Variants in KIF26B observed in about 807,000 individuals in gnomAD.
The protein encoded by KIF26B is kinesin family member 26B.
In KIF26B, 63 loss-of-function variants were observed where a neutral mutation model predicts 151.2. That is an observed-to-expected ratio of 0.42 (90% CI 0.34 to 0.51). KIF26B has a LOEUF of 0.51. KIF26B is among the 20% of genes least tolerant of loss of function. The probability of loss-of-function intolerance (pLI) is 0.07; values close to 1 mark genes in which losing one functional copy is unlikely to be tolerated. For synonymous variants in KIF26B, 1,357 were observed against 1,262.1 expected (o/e 1.08, Z -1.59); for missense variants, 2,813 against 2,913.6 (o/e 0.97, Z 0.79).
At chr1:245,268,779 T>C (rs568131840) in intron 2 of KIF26B, among the ~76,000 whole-genome samples, 2 of 152,270 alleles carry the variant, frequency 1.3e-5, no homozygotes, top group East Asian at 3.9e-4. Context: ...TAATACTGTA[T>C]AATAATTCTA....
rs5782330 is a variant in KIF26B, at chr1:245,253,800, C to CTTTTTTTT, written c.465+97137_465+97144dup. Among the ~76,000 whole-genome samples, 106 of 72,174 alleles carry CTTTTTTTT rather than the reference C, an allele frequency of 1.5e-3. 5 individuals carry two copies. Among genetic ancestry groups the CTTTTTTTT allele is most frequent in the African/African-American group, 6.1e-3 (100 of 16,388 alleles). The allele number at this position is 72,174 out of a possible 152,430, so 47.3% of individuals were successfully genotyped here. On this transcript the variant is annotated intron_variant, in intron 2 of 14. Transcript: ENST00000407071. ...CCTGTCTATAGACTTTGAAGTCCTG[C>CTTTTTTTT]TTTTTTTTTTTTTTTTTTTTTTTTT...
rs554623293 is a variant in KIF26B at position 245,560,071 on chromosome 1, C to A, written c.1350+19121C>A. On this transcript the variant is annotated intron_variant, in intron 5 of 14. Coordinates refer to ENST00000407071, the MANE Select transcript of KIF26B (RefSeq NM_018012.4). The surrounding 1 kb of genome is among the most constrained non-coding windows in gnomAD (Gnocchi z 4.3). ...GCTGCTCAGTCCTCAGGCCCAGCTC[C>A]CGTGTCACCTGCCACCTGCAGGCCT... Among the ~76,000 whole-genome samples the A allele has an allele frequency of 9.2e-5, 14 of 152,244 alleles. No homozygotes were observed. The highest frequency in any genetic ancestry group is 8.5e-4 in the Admixed American group (13 of 15,302).
chr1:245,444,778 A>G (rs1659209843), intron 4 of KIF26B, among the ~76,000 whole-genome samples: 1 of 152,246 alleles, frequency 6.6e-6, no homozygotes, highest in East Asian at 1.9e-4. Flanking sequence ...TAAAAAGGGA[A>G]AATGACGTGA....
At chr1:245,292,351 C>T (rs527449685) in intron 2 of KIF26B, among the ~76,000 whole-genome samples, 28 of 152,188 alleles carry the variant, frequency 1.8e-4, no homozygotes, top group South Asian at 4.2e-4. Flanking sequence ...GCCAGCTGCC[C>T]GGTGGTGCAA....
chr1:245,356,944 C>G (rs569881835), intron 2 of KIF26B, among the ~76,000 whole-genome samples: 1 of 152,220 alleles, frequency 6.6e-6, no homozygotes, highest in East Asian at 1.9e-4. Flanking sequence ...TAAGAGATGG[C>G]CAGGCAGATA....
intron 10 of KIF26B, among the ~76,000 whole-genome samples, chr1:245,648,885 C>T (rs1325796759): frequency 6.6e-6 from 1 of 152,170 alleles, no homozygotes; most frequent in Admixed American, 6.5e-5. Context: ...AGTGTCAGCA[C>T]AAGACCCAAT....
intron 2 of KIF26B, among the ~76,000 whole-genome samples, chr1:245,285,710 A>G (rs1185756850): frequency 5.3e-5 from 8 of 150,098 alleles, no homozygotes; most frequent in Non-Finnish European, 3.0e-5. Flanking sequence ...TGGGAGGCCG[A>G]GGAGGGAGGA....
chr1:245,451,140 T>C (rs189602224), intron 4 of KIF26B, among the ~76,000 whole-genome samples: 1 of 152,286 alleles, frequency 6.6e-6, no homozygotes, highest in East Asian at 1.9e-4. Flanking sequence ...TTTTCTTCCT[T>C]CTGCTTTATG....
chr1:245,437,339 C>T (rs1328430450), intron 4 of KIF26B, among the ~76,000 whole-genome samples: 1 of 152,144 alleles, frequency 6.6e-6, no homozygotes, highest in Non-Finnish European at 1.5e-5. Context: ...ATGTAATCCC[C>T]GTGTCTTTTG....
chr1:245,592,615 C>T (rs1212993404), intron 5 of KIF26B, among the ~76,000 whole-genome samples: 1 of 152,160 alleles, frequency 6.6e-6, no homozygotes, highest in Admixed American at 6.5e-5. Context: ...GCAGTCGCTG[C>T]CCCAAAGTAG....
chr1:245,202,609 A>C (rs1669319675), intron 2 of KIF26B, among the ~76,000 whole-genome samples: 1 of 151,920 alleles, frequency 6.6e-6, no homozygotes, highest in African/African-American at 2.4e-5. Context: ...AAATACAAAA[A>C]ATTAGCCGGA....
intron 2 of KIF26B, among the ~76,000 whole-genome samples, chr1:245,359,631 ATTCC>A (rs1307970919): frequency 1.3e-5 from 2 of 148,216 alleles, no homozygotes; most frequent in Non-Finnish European, 3.0e-5. Context: ...TATTATTTTG[ATTCC>A]TTCCTTCCTT....
chr1:245,318,348 G>A lies in KIF26B; in HGVS notation c.466-48486G>A, dbSNP rs1040765148. Among the ~76,000 whole-genome samples, 2 of 152,140 alleles carry A rather than the reference G, an allele frequency of 1.3e-5. No individual in the cohort carries two copies. Among genetic ancestry groups the A allele is most frequent in the African/African-American group, 2.4e-5 (1 of 41,430 alleles). On this transcript the variant is annotated intron_variant, in intron 2 of 14. Coordinates refer to ENST00000407071, the MANE Select transcript of KIF26B (RefSeq NM_018012.4). This position sits in a 1 kb window ranked among gnomAD's most constrained non-coding sequence, Gnocchi z 4.0. ...GAATTCCACTTACCCTCAGCAAGAC[G>A]AGGGAAGAAGAAGATTCTGGAAAGG...
At chr1:245,288,468 G>A (rs933931590) in intron 2 of KIF26B, among the ~76,000 whole-genome samples, 1 of 152,196 alleles carries the variant, frequency 6.6e-6, no homozygotes, top group African/African-American at 2.4e-5. Flanking sequence ...ATGCCAAAGA[G>A]TATTGAGCAA....
At chr1:245,414,475 T>A (rs144937438) in intron 3 of KIF26B, among the ~76,000 whole-genome samples, 65 of 152,304 alleles carry the variant, frequency 4.3e-4, no homozygotes, top group African/African-American at 1.5e-3. Flanking sequence ...TTTGTGTTGG[T>A]CTGAGCAGGG....
chr1:245,420,458 G>C (rs1004325671), intron 4 of KIF26B, among the ~76,000 whole-genome samples: 1 of 152,168 alleles, frequency 6.6e-6, no homozygotes, highest in Admixed American at 6.5e-5. Context: ...AACTAGGAGT[G>C]AGTTTATAGC....
intron 2 of KIF26B, among the ~76,000 whole-genome samples, chr1:245,291,116 A>T (rs1242716814): frequency 1.3e-5 from 2 of 151,888 alleles, no homozygotes; most frequent in Non-Finnish European, 2.9e-5. Context: ...AGTATGCATG[A>T]CCTCTTGAGG....
intron 5 of KIF26B, among the ~76,000 whole-genome samples, chr1:245,568,744 G>A (rs971809555): frequency 6.6e-6 from 1 of 152,160 alleles, no homozygotes; most frequent in East Asian, 1.9e-4. Flanking sequence ...TGTCTTGCAT[G>A]TTCTGACTCT....
chr1:245,571,294 C>T (rs2043064578), intron 5 of KIF26B, among the ~76,000 whole-genome samples: 1 of 152,192 alleles, frequency 6.6e-6, no homozygotes, highest in Admixed American at 6.5e-5. Context: ...CAAGCCCCAC[C>T]TATGTTTTTA....
Sources: gnomAD v4.1 joint callset for allele counts (sites outside exome capture counted in the v4.1 genomes callset) on GRCh38, gnomAD v4.1.1 for gene constraint, Gnocchi (gnomAD v3.1) non-coding constraint, MANE v1.5 for transcripts, NCBI Gene and HGNC (gene_info 2026-07-23, HGNC 2026-07-21) for gene names.